The following TRPM3 variants were observed in gnomAD, a reference collection of about 807,000 sequenced individuals.
TRPM3 encodes the protein long transient receptor potential channel 3.
A neutral mutation model predicts 181.2 loss-of-function variants in TRPM3; 77 were observed. The ratio of observed to expected loss-of-function variants is 0.42; its 90% CI spans 0.35 to 0.51. TRPM3 has a LOEUF of 0.51. TRPM3 is among the 20% of genes least tolerant of loss of function. The pLI, the probability that TRPM3 is intolerant of heterozygous loss-of-function variation, is 0.01. For missense variants in TRPM3, 1,759 were observed against 2,196.7 expected (o/e 0.80, Z 3.98); for synonymous variants, 745 against 796.4 (o/e 0.94, Z 1.09).
chr9:70,616,119 A>G (rs1323550352), intron 17 of TRPM3, 44 bp from the exon 18 acceptor site: 1 of 1,444,744 alleles, frequency 6.9e-7, no homozygotes, highest in African/African-American at 1.4e-5. Context: ...CATTTAAAGG[A>G]TTAAGATTAG....
At chr9:70,868,920 C>T (rs1235272392) in intron 1 of TRPM3, 2 of 901,188 alleles carry the variant, frequency 2.2e-6, no homozygotes, top group Non-Finnish European at 2.7e-6. Flanking sequence ...CTTTGGTCTT[C>T]CTCTAGGTCC....
chr9:70,822,307 T>C (rs1359974816), intron 6 of TRPM3, among the ~76,000 whole-genome samples: 1 of 152,212 alleles, frequency 6.6e-6, no homozygotes, highest in African/African-American at 2.4e-5. Context: ...CCTTAGGGGC[T>C]TTCATGTTGT....
chr9:70,651,079 T>C (rs1191205983), intron 9 of TRPM3, among the ~76,000 whole-genome samples: 1 of 152,148 alleles, frequency 6.6e-6, no homozygotes, highest in Non-Finnish European at 1.5e-5. Flanking sequence ...TGAATGAAGA[T>C]CTGCAGTATA....
intron 1 of TRPM3, among the ~76,000 whole-genome samples, chr9:70,951,215 T>C (rs913755871): frequency 1.6e-4 from 25 of 152,302 alleles, no homozygotes; most frequent in Non-Finnish European, 3.7e-4. Context: ...AAAATATAGG[T>C]ATAATATTAA....
Position 70,530,880 on chromosome 9 carries a change from G to T in TRPM3, c.*5073C>A, listed in dbSNP as rs956964985. ...GTCATTTTCAAAACTGTGCAAATTGGCTCCTCTCTTTAACAGATGTTGAAT... is the reference window on the plus strand; with the variant it reads ...GTCATTTTCAAAACTGTGCAAATTGTCTCCTCTCTTTAACAGATGTTGAAT... On this transcript the variant is annotated 3_prime_UTR_variant, in exon 26 of 26. Coordinates refer to ENST00000677713, the MANE Select transcript of TRPM3 (RefSeq NM_001366145.2). 2.6e-5 allele frequency: 4 copies of T among 152,078 alleles called. No individual in the cohort carries two copies. Among genetic ancestry groups the T allele is most frequent in the African/African-American group, 9.7e-5 (4 of 41,390 alleles). The allele number at this position is 152,078 out of a possible 1,614,324, so 9.4% of individuals were successfully genotyped here. A position where few individuals can be genotyped will look rare whatever the true frequency, so the allele number is the denominator to read the frequency against.
At chr9:70,820,098 A>G (rs979843422) in intron 6 of TRPM3, among the ~76,000 whole-genome samples, 4 of 152,208 alleles carry the variant, frequency 2.6e-5, no homozygotes, top group Admixed American at 2.6e-4. Flanking sequence ...TGACTACTCT[A>G]AGACACTGAT....
chr9:70,667,525 C>T (rs1032639608), intron 9 of TRPM3, among the ~76,000 whole-genome samples: 6 of 152,082 alleles, frequency 3.9e-5, no homozygotes, highest in Non-Finnish European at 8.8e-5. Context: ...ACCTGGTTCC[C>T]CTAGACCAGA....
intron 22 of TRPM3, among the ~76,000 whole-genome samples, chr9:70,581,947 G>C (rs929603887): frequency 5.2e-5 from 5 of 97,034 alleles, no homozygotes; most frequent in Non-Finnish European, 8.6e-5. Flanking sequence ...TTTTTTCCTT[G>C]TCTTCTCCTT....
chr9:71,166,961 C>T (rs1284491909), intron 1 of TRPM3, among the ~76,000 whole-genome samples: 1 of 152,096 alleles, frequency 6.6e-6, no homozygotes, highest in Non-Finnish European at 1.5e-5. Flanking sequence ...CAGGTACTGT[C>T]AACACCATTA....
At chr9:70,632,142 A>G (rs560403780) in intron 12 of TRPM3, among the ~76,000 whole-genome samples, 2 of 152,266 alleles carry the variant, frequency 1.3e-5, no homozygotes, top group East Asian at 3.9e-4. Context: ...AATTTTGAAA[A>G]TTGCTTTAAG....
intron 1 of TRPM3, among the ~76,000 whole-genome samples, chr9:70,901,962 CA>C (rs1220297299): frequency 2.6e-5 from 4 of 152,064 alleles, no homozygotes; most frequent in African/African-American, 9.7e-5. Context: ...CTTGTTGCCG[CA>C]ATTAGGATAA....
At chr9:70,929,915 G>A (rs922833560) in intron 1 of TRPM3, among the ~76,000 whole-genome samples, 1 of 152,178 alleles carries the variant, frequency 6.6e-6, no homozygotes, top group African/African-American at 2.4e-5. Context: ...CAGCGAAACT[G>A]GGGAATCTTA....
intron 9 of TRPM3, among the ~76,000 whole-genome samples, chr9:70,671,992 ACTC>A (rs2063045908): frequency 6.9e-6 from 1 of 145,162 alleles, no homozygotes; most frequent in Non-Finnish European, 1.5e-5. Context: ...CTGGTCTTGA[ACTC>A]CTGACCTCAA....
chr9:70,930,240 A>G (rs959174578), intron 1 of TRPM3, among the ~76,000 whole-genome samples: 4 of 152,178 alleles, frequency 2.6e-5, no homozygotes, highest in African/African-American at 4.8e-5. Context: ...TGCCTAGCAT[A>G]TTGCCTTACA....
chr9:71,025,733 G>A (rs865853723), intron 1 of TRPM3, among the ~76,000 whole-genome samples: 20 of 152,286 alleles, frequency 1.3e-4, no homozygotes, highest in African/African-American at 4.6e-4. Context: ...ATAGTAGAGA[G>A]CAGTCTTCAG....
chr9:71,078,328 C>T (rs2063754003), intron 1 of TRPM3, among the ~76,000 whole-genome samples: 1 of 152,074 alleles, frequency 6.6e-6, no homozygotes, highest in Admixed American at 6.6e-5. Context: ...AAGGAAGATG[C>T]AGAACAATAT....
intron 1 of TRPM3, among the ~76,000 whole-genome samples, chr9:71,240,868 A>T (rs960420923): frequency 7.9e-5 from 12 of 152,182 alleles, no homozygotes; most frequent in African/African-American, 1.2e-4. Context: ...CATGCCAGGG[A>T]TAAAATTTTA....
chr9:71,395,181 G>T (rs1292650592), intron 1 of TRPM3, among the ~76,000 whole-genome samples: 2 of 152,112 alleles, frequency 1.3e-5, no homozygotes, highest in Admixed American at 1.3e-4. Flanking sequence ...CACAGCTCAA[G>T]TCCACATCTA....
At chr9:71,384,183 C>T (rs1286936863) in intron 1 of TRPM3, among the ~76,000 whole-genome samples, 1 of 152,094 alleles carries the variant, frequency 6.6e-6, no homozygotes, top group Non-Finnish European at 1.5e-5. Context: ...AGGGGCACTG[C>T]TCCTGGAGAT....
Sources: allele counts gnomAD v4.1 joint callset (sites outside exome capture counted in the v4.1 genomes callset), GRCh38; gene constraint gnomAD v4.1.1; transcripts MANE v1.5; gene names NCBI Gene and HGNC (gene_info 2026-07-23, HGNC 2026-07-21).